CDH18: variants seen among roughly 807,000 people sequenced by gnomAD.
CDH18 encodes cadherin 18.
CDH18 carries 31 observed loss-of-function variants against 67.9 expected under a neutral mutation model. That is an observed-to-expected ratio of 0.46 (90% CI 0.34 to 0.62). CDH18 has a LOEUF of 0.62. Ranked by LOEUF, CDH18 falls within the 20% of genes least tolerant of loss-of-function variation. The pLI is 0.01. For synonymous variants in CDH18, 362 were observed against 347.2 expected (o/e 1.04, Z -0.48); for missense variants, 890 against 975.5 (o/e 0.91, Z 1.17).
At chr5:19,638,204 T>C (rs145975880) in intron 5 of CDH18, among the ~76,000 whole-genome samples, 95 of 152,356 alleles carry the variant, frequency 6.2e-4, no homozygotes, top group Non-Finnish European at 1.2e-3. Context: ...TAATGTTGCA[T>C]ACAGCCTAAT....
At chr5:19,800,338 C>A (rs1484250276) in intron 3 of CDH18, among the ~76,000 whole-genome samples, 1 of 152,054 alleles carries the variant, frequency 6.6e-6, no homozygotes, top group Non-Finnish European at 1.5e-5. Context: ...AGTCATAAAC[C>A]TCTGCCAACA....
In CDH18 at chr5:20,386,942, T is replaced by A. The variant is rs185606324; in HGVS notation, c.-579-131437A>T. Among the ~76,000 whole-genome samples, 660 of 152,226 alleles carry A rather than the reference T, an allele frequency of 4.3e-3. 10 individuals are homozygous for A. The highest frequency in any genetic ancestry group is 0.015 in the African/African-American group (625 of 41,528). ...ATATATAATCAACCTTATTCATACATTATGTATTTTGGTATCTCAGAAGTT... is the reference window on the plus strand; with the variant it reads ...ATATATAATCAACCTTATTCATACAATATGTATTTTGGTATCTCAGAAGTT... On this transcript the variant is annotated intron_variant, in intron 1 of 14. Coordinates refer to the CDH18 transcript ENST00000507958.
intron 2 of CDH18, among the ~76,000 whole-genome samples, chr5:19,881,933 G>A (rs1787704923): frequency 6.6e-6 from 1 of 152,016 alleles, no homozygotes; most frequent in Middle Eastern, 3.4e-3. Context: ...TTCAACAGGG[G>A]AACAAATTTT....
At chr5:20,094,973 G>C (rs1206497595) in intron 2 of CDH18, among the ~76,000 whole-genome samples, 1 of 152,074 alleles carries the variant, frequency 6.6e-6, no homozygotes, top group Non-Finnish European at 1.5e-5. Flanking sequence ...ATACTAAGCA[G>C]TCATAAAAAG....
chr5:19,693,886 ACT>A (rs1344529018), intron 5 of CDH18, among the ~76,000 whole-genome samples: 1 of 117,740 alleles, frequency 8.5e-6, no homozygotes, highest in Non-Finnish European at 1.8e-5. Flanking sequence ...ACAAAGTGAG[ACT>A]CTGTCTGAAA....
chr5:19,970,575 C>T (rs931957375), intron 2 of CDH18, among the ~76,000 whole-genome samples: 4 of 151,406 alleles, frequency 2.6e-5, no homozygotes, highest in Admixed American at 1.3e-4. Flanking sequence ...TACTGTATTA[C>T]GTTTTCTTTT....
chr5:19,596,922 C>T (rs1030394217), intron 6 of CDH18, among the ~76,000 whole-genome samples: 4 of 152,334 alleles, frequency 2.6e-5, no homozygotes, highest in African/African-American at 9.6e-5. Context: ...AAGGCGGCCA[C>T]ATTTTACCCA....
intron 2 of CDH18, among the ~76,000 whole-genome samples, chr5:20,190,095 C>G (rs888640069): frequency 6.6e-6 from 1 of 152,138 alleles, no homozygotes; most frequent in Non-Finnish European, 1.5e-5. Context: ...TCTTCCAGTA[C>G]TCTCTGGGTC....
intron 2 of CDH18, among the ~76,000 whole-genome samples, chr5:20,169,760 T>G (rs1736552855): frequency 6.6e-6 from 1 of 152,162 alleles, no homozygotes; most frequent in East Asian, 1.9e-4. Flanking sequence ...AAATAATTCC[T>G]GATTTATTAA....
intron 1 of CDH18, among the ~76,000 whole-genome samples, chr5:20,288,444 GATAT>G (rs10534377): frequency 0.33 from 48,906 of 147,928 alleles, 7,997 homozygotes; most frequent in Non-Finnish European, 0.37. Context: ...CAAAAAATAC[GATAT>G]ATATATATAT....
chr5:19,609,818 A>G (rs1429000591), intron 6 of CDH18, among the ~76,000 whole-genome samples: 2 of 152,026 alleles, frequency 1.3e-5, no homozygotes, highest in African/African-American at 4.8e-5. Context: ...CAACTACTGG[A>G]TCCATTTGAT....
intron 3 of CDH18, among the ~76,000 whole-genome samples, chr5:19,759,903 G>A (rs975019271): frequency 1.3e-5 from 2 of 151,996 alleles, no homozygotes; most frequent in Non-Finnish European, 2.9e-5. Flanking sequence ...ATGAATTGAG[G>A]GGCCATGATT....
At chr5:20,312,739 A>G (rs1263061523) in intron 1 of CDH18, among the ~76,000 whole-genome samples, 6 of 152,138 alleles carry the variant, frequency 3.9e-5, no homozygotes, top group South Asian at 2.1e-4. Flanking sequence ...AATATTTATT[A>G]GTCTTAAAGA....
chr5:20,185,886 C>T (rs910164994), intron 2 of CDH18, among the ~76,000 whole-genome samples: 2 of 151,368 alleles, frequency 1.3e-5, no homozygotes, highest in Non-Finnish European at 2.9e-5. Flanking sequence ...CCGTGTGATG[C>T]ATAGTGTCTG....
At chr5:20,200,923 C>T (rs563022153) in intron 2 of CDH18, among the ~76,000 whole-genome samples, 2 of 152,072 alleles carry the variant, frequency 1.3e-5, no homozygotes, top group South Asian at 4.2e-4. Context: ...AAAATCACTC[C>T]TTTTTCATAA....
At chr5:20,053,652 G>T (rs1209858447) in intron 2 of CDH18, among the ~76,000 whole-genome samples, 1 of 151,998 alleles carries the variant, frequency 6.6e-6, no homozygotes, top group Non-Finnish European at 1.5e-5. Flanking sequence ...TAAATCCAAA[G>T]GTACAGATGT....
intron 1 of CDH18, among the ~76,000 whole-genome samples, chr5:20,344,806 A>T (rs1740569987): frequency 6.6e-6 from 1 of 152,136 alleles, no homozygotes; most frequent in South Asian, 2.1e-4. Flanking sequence ...AAAAAATATC[A>T]ATGTGAAGAA....
At chr5:19,875,313 GC>G (rs1450462336) in intron 2 of CDH18, among the ~76,000 whole-genome samples, 1 of 152,100 alleles carries the variant, frequency 6.6e-6, no homozygotes, top group Non-Finnish European at 1.5e-5. Flanking sequence ...ACTAAACTTA[GC>G]TTTCACTTTT....
intron 2 of CDH18, among the ~76,000 whole-genome samples, chr5:19,963,429 T>G (rs1797110309): frequency 6.6e-6 from 1 of 152,082 alleles, no homozygotes; most frequent in African/African-American, 2.4e-5. Context: ...CGAATTCCCA[T>G]AATCCCCACT....
Sources: gnomAD v4.1 joint callset for allele counts (sites outside exome capture counted in the v4.1 genomes callset) on GRCh38, gnomAD v4.1.1 for gene constraint, MANE v1.5 for transcripts, NCBI Gene and HGNC (gene_info 2026-07-23, HGNC 2026-07-21) for gene names.